Variants in ANXA13 observed in about 807,000 individuals in gnomAD.
ANXA13 encodes annexin A13.
Under a neutral mutation model 46.6 loss-of-function variants are expected in ANXA13, and 36 were observed. That is an observed-to-expected ratio of 0.77 (90% CI 0.59 to 1.02). The LOEUF is 1.02. Ranked by LOEUF, ANXA13 falls within the 50% of genes least tolerant of loss-of-function variation. ANXA13 has a pLI of 0.00. For missense variants in ANXA13, 417 were observed against 396.5 expected (o/e 1.05, Z -0.44); for synonymous variants, 163 against 152.9 (o/e 1.07, Z -0.49).
chr8:123,734,337 A>G (rs1240959039), intron 1 of ANXA13, among the ~76,000 whole-genome samples: 1 of 152,082 alleles, frequency 6.6e-6, no homozygotes, highest in African/African-American at 2.4e-5. Flanking sequence ...ACCTAAGCAG[A>G]TTTTTCCACT....
At chr8:123,688,106 G>C (rs1009421548) in intron 9 of ANXA13, among the ~76,000 whole-genome samples, 1 of 152,192 alleles carries the variant, frequency 6.6e-6, no homozygotes, top group Non-Finnish European at 1.5e-5. Context: ...GTGATATGGT[G>C]TGGCTGTGTC....
intron 3 of ANXA13, among the ~76,000 whole-genome samples, chr8:123,699,459 G>C (rs1813404039): frequency 6.6e-6 from 1 of 152,194 alleles, no homozygotes; most frequent in Non-Finnish European, 1.5e-5. Context: ...TGGGATTATA[G>C]GCGTGAGCCA....
chr8:123,710,526 G>A (rs1813637651), intron 2 of ANXA13, among the ~76,000 whole-genome samples: 1 of 152,236 alleles, frequency 6.6e-6, no homozygotes, highest in Non-Finnish European at 1.5e-5. Context: ...CAAAAAATTA[G>A]TTTAATAAAA....
At chr8:123,693,418 G>T in intron 7 of ANXA13, 120 bp from the exon 8 acceptor site, 1 of 856,042 alleles carries the variant, frequency 1.2e-6, no homozygotes, top group Non-Finnish European at 1.9e-6. Context: ...GAAGTCAAAT[G>T]GACTAAGCAC....
At chr8:123,718,422 C>T (rs1427807775) in intron 1 of ANXA13, among the ~76,000 whole-genome samples, 1 of 152,148 alleles carries the variant, frequency 6.6e-6, no homozygotes, top group African/African-American at 2.4e-5. Context: ...GGCATGATGT[C>T]CCAACATCAC....
intron 1 of ANXA13, among the ~76,000 whole-genome samples, chr8:123,716,603 C>A (rs942795629): frequency 6.6e-6 from 1 of 152,092 alleles, no homozygotes; most frequent in Non-Finnish European, 1.5e-5. Flanking sequence ...GAAAAACAGT[C>A]GGTTTGGCGT....
intron 1 of ANXA13, among the ~76,000 whole-genome samples, chr8:123,721,462 T>A (rs1158688660): frequency 6.6e-6 from 1 of 152,186 alleles, no homozygotes; most frequent in African/African-American, 2.4e-5. Context: ...TAGGAGAATA[T>A]GTATCAAGAG....
intron 1 of ANXA13, among the ~76,000 whole-genome samples, chr8:123,713,681 A>T (rs1387601740): frequency 1.3e-5 from 2 of 152,052 alleles, no homozygotes; most frequent in African/African-American, 4.8e-5. Context: ...TTCCTAAGTG[A>T]TATGTGTCCA....
intron 8 of ANXA13, among the ~76,000 whole-genome samples, chr8:123,689,762 TG>T (rs1156808011): frequency 6.6e-6 from 1 of 152,240 alleles, no homozygotes; most frequent in Non-Finnish European, 1.5e-5. Context: ...AATGCTTTGC[TG>T]GGTTTGGAGA....
At chr8:123,693,124 T>TC in intron 8 of ANXA13, 73 bp downstream of exon 8, 1 of 1,348,864 alleles carries the variant, frequency 7.4e-7, no homozygotes, top group Non-Finnish European at 1.1e-6. Flanking sequence ...TTATTGCAGA[T>TC]CTTGGCTTCT....
chr8:123,717,241 G>T (rs1442592962), intron 1 of ANXA13, among the ~76,000 whole-genome samples: 1 of 152,154 alleles, frequency 6.6e-6, no homozygotes, highest in East Asian at 1.9e-4. Context: ...TGTAAAATGG[G>T]AGCAGTCTCT....
Position 123,712,701 on chromosome 8 carries a change from A to G in ANXA13, c.68T>C (p.Leu23Pro). The G allele has an allele frequency of 6.2e-7, 1 of 1,614,220 alleles. No homozygotes were observed. Among genetic ancestry groups the G allele is most frequent in the Non-Finnish European group, 8.5e-7 (1 of 1,180,028 alleles). The change falls in exon 2 of 11, where the codon CTG becomes CCG. Residue 23 changes from leucine to proline, a missense_variant. By Grantham distance (98) the Leu-to-Pro change is moderately conservative. Coordinates refer to ENST00000419625, the MANE Select transcript of ANXA13 (RefSeq NM_004306.4). ...GFDVDRDAKK[L>P]NKACKGMGTN... is the part of the protein sequence containing the mutation. ...ACCCATTCCTTTGCAGGCTTTGTTC[A>G]GCTTTTTGGCATCTCGATCCACATC... is the stretch of plus-strand genomic sequence containing the variant.
In ANXA13 at chr8:123,695,484, A is replaced by T; in HGVS notation, c.471+18T>A. ...CTTTCCTAAGATGATAAAACAGGTG[A>T]CACCTCTTTCCTCTTACCTGCAGCA... On this transcript the variant is annotated intron_variant, in intron 6 of 10. Coordinates refer to ENST00000419625, the MANE Select transcript of ANXA13 (RefSeq NM_004306.4). 6.3e-7 allele frequency: 1 copy of T among 1,596,174 alleles called. No homozygotes were observed.
At position 123,681,253 on chromosome 8, in the gene ANXA13, G is replaced by A. The variant is rs578080565; in HGVS notation, c.938C>T (p.Ala313Val). 42 of 1,613,774 alleles carry A rather than the reference G, an allele frequency of 2.6e-5. No individual in the cohort carries two copies. The East Asian group carries it at 4.2e-4, about 16-fold the overall frequency. Residue 313 changes from alanine (A) to valine (V), a missense_variant, in exon 11 of 11, where the codon GCC (alanine) becomes GTC (valine). Ala to Val is a moderately conservative substitution (Grantham distance 64, BLOSUM62 0). Coordinates refer to ENST00000419625, the MANE Select transcript of ANXA13 (RefSeq NM_004306.4). Reference protein sequence around the residue: ...TSGDFRKLLVALLH With the variant: ...TSGDFRKLLVVLLH ...CCCTGGCTTGGCTCAGTGCAAGAGG[G>A]CTACTAGCAGTTTCCGGAAGTCCCC...
intron 1 of ANXA13, among the ~76,000 whole-genome samples, chr8:123,727,456 T>C (rs1213042468): frequency 6.6e-6 from 1 of 152,152 alleles, no homozygotes; most frequent in East Asian, 1.9e-4. Flanking sequence ...GAGCCTTGTT[T>C]TCCCATTTAA....
chr8:123,703,230 A>G (rs1218182467), intron 2 of ANXA13, among the ~76,000 whole-genome samples: 1 of 152,218 alleles, frequency 6.6e-6, no homozygotes, highest in Admixed American at 6.5e-5. Flanking sequence ...TGAGAACATT[A>G]TGCTAAGTGA....
In ANXA13 at chr8:123,720,404, A is replaced by G. The variant is rs538715251; in HGVS notation, c.16-7651T>C. Among the ~76,000 whole-genome samples, 7 of 152,292 alleles carry G rather than the reference A, an allele frequency of 4.6e-5. No homozygotes were observed. The South Asian group carries it at 1.5e-3, about 32-fold the overall frequency. On this transcript the variant is annotated intron_variant, in intron 1 of 10. Transcript: ENST00000419625. Reference sequence around the variant, plus strand: ...CTGATTCTCCTCGGTTTAGGCTGTTACCATTGCCACTGTTGGTTAATGGCA... The same window carrying G: ...CTGATTCTCCTCGGTTTAGGCTGTTGCCATTGCCACTGTTGGTTAATGGCA...
chr8:123,736,594 A>G (rs951740135), intron 1 of ANXA13, among the ~76,000 whole-genome samples: 7 of 152,196 alleles, frequency 4.6e-5, no homozygotes, highest in Non-Finnish European at 2.9e-5. Flanking sequence ...GTGGACTTAC[A>G]TGAGTATTTA....
At chr8:123,717,256 T>A (rs191857952) in intron 1 of ANXA13, among the ~76,000 whole-genome samples, 1 of 152,328 alleles carries the variant, frequency 6.6e-6, no homozygotes, top group East Asian at 1.9e-4. Context: ...GTCTCTGTGT[T>A]GCAAGGCTTG....
Sources: gnomAD v4.1 joint callset for allele counts (sites outside exome capture counted in the v4.1 genomes callset) on GRCh38, gnomAD v4.1.1 for gene constraint, MANE v1.5 for transcripts, NCBI Gene and HGNC (gene_info 2026-07-23, HGNC 2026-07-21) for gene names.